Variants in TYW1 observed in about 807,000 individuals in gnomAD.
TYW1 encodes tRNA-yW synthesizing protein 1 homolog.
Under a neutral mutation model 96.2 loss-of-function variants are expected in TYW1, and 46 were observed. The ratio of observed to expected loss-of-function variants is 0.48; its 90% CI spans 0.38 to 0.61. The LOEUF is 0.61. TYW1 is among the 20% of genes least tolerant of loss of function. The pLI, the probability that TYW1 is intolerant of heterozygous loss-of-function variation, is 0.00. For missense variants in TYW1, 684 were observed against 909.6 expected, an observed-to-expected ratio of 0.75 and a Z score of 3.19; for synonymous variants, 274 against 323.0, an observed-to-expected ratio of 0.85 and a Z score of 1.63.
chr7:67,001,742 C>G (rs1290747935), intron 3 of TYW1, among the ~76,000 whole-genome samples: 1 of 150,428 alleles, frequency 6.6e-6, no homozygotes, highest in Non-Finnish European at 1.5e-5. Flanking sequence ...TTTTAAGAGA[C>G]AAGGTCTTGG....
At chr7:67,126,499 G>A (rs531541717) in intron 13 of TYW1, among the ~76,000 whole-genome samples, 20 of 152,162 alleles carry the variant, frequency 1.3e-4, no homozygotes, top group African/African-American at 4.8e-4. Context: ...TTTCTCTCAT[G>A]GGTCATGCCT....
chr7:67,210,876 C>CTATCTATCTATCATCTATCTAT (rs1800989133), intron 15 of TYW1, among the ~76,000 whole-genome samples: 1 of 148,990 alleles, frequency 6.7e-6, no homozygotes, highest in Non-Finnish European at 1.5e-5. Flanking sequence ...ATCTATCTAT[C>CTATCTATCTATCATCTATCTAT]CATCTGTCCA....
intron 9 of TYW1, among the ~76,000 whole-genome samples, chr7:67,059,511 A>G (rs2115620267): frequency 6.6e-6 from 1 of 151,288 alleles, no homozygotes; most frequent in African/African-American, 2.4e-5. Flanking sequence ...GTCTGAGGGT[A>G]GGCTGGCAGT....
At chr7:67,206,649 AAAT>A (rs1401900420) in intron 15 of TYW1, among the ~76,000 whole-genome samples, 2 of 151,374 alleles carry the variant, frequency 1.3e-5, no homozygotes, top group Non-Finnish European at 2.9e-5. Flanking sequence ...ATAAATAAAT[AAAT>A]AAATAAATAA....
Position 67,117,673 on chromosome 7 carries a change from G to T in TYW1, c.1698+55G>T, listed in dbSNP as rs1436532668. On this transcript the variant is annotated intron_variant, in intron 13 of 15. Transcript: ENST00000359626. ...AAACAACCCTCAGGTGTGTACTGAA[G>T]TTAAGAAGAAAGAAAGATGGAAGAA... The T allele has an allele frequency of 2.8e-6, 4 of 1,411,476 alleles. No homozygotes were observed. The South Asian group carries it at 5.4e-5, about 19-fold the overall frequency. 87.4% of individuals were successfully genotyped at this position (1,411,476 alleles called of 1,614,324 possible).
chr7:67,134,548 A>C (rs1284137630), intron 13 of TYW1, among the ~76,000 whole-genome samples: 3 of 151,948 alleles, frequency 2.0e-5, no homozygotes, highest in Non-Finnish European at 2.9e-5. Flanking sequence ...TCTCAAAAAA[A>C]AAAAAGATAA....
chr7:67,104,034 C>T (rs1472636709), intron 12 of TYW1, among the ~76,000 whole-genome samples: 1 of 151,966 alleles, frequency 6.6e-6, no homozygotes, highest in Non-Finnish European at 1.5e-5. Context: ...ATTAGAATTT[C>T]TTTTTCTAAG....
chr7:67,141,150 G>A (rs1421202853), intron 13 of TYW1, among the ~76,000 whole-genome samples: 2 of 152,254 alleles, frequency 1.3e-5, no homozygotes, highest in African/African-American at 2.4e-5. Flanking sequence ...CCAGAGAACA[G>A]GGCCCTTGTC....
At chr7:67,191,124 G>A (rs146585420) in intron 14 of TYW1, among the ~76,000 whole-genome samples, 1 of 152,282 alleles carries the variant, frequency 6.6e-6, no homozygotes, top group Non-Finnish European at 1.5e-5. Context: ...TTTCAGTCAT[G>A]GCAGAAGGCA....
chr7:67,032,370 GC>G (rs1445671228), intron 7 of TYW1, among the ~76,000 whole-genome samples: 1 of 152,120 alleles, frequency 6.6e-6, no homozygotes, highest in Non-Finnish European at 1.5e-5. Context: ...TGTAATCCCA[GC>G]ACTTTGGGAG....
At position 67,034,150 on chromosome 7, in the gene TYW1, C is replaced by T. The variant is rs187577997; in HGVS notation, c.984+9128C>T. ...ATGGAGTCTTGCTCTGTTGCCCAGG[C>T]CGGAGTGCAGTGATGCGATCTCAGC... On this transcript the variant is annotated intron_variant, in intron 7 of 15. Transcript: ENST00000359626. Among the ~76,000 whole-genome samples the T allele has an allele frequency of 1.3e-4, 20 of 151,014 alleles. No individual in the cohort carries two copies. The East Asian group carries it at 3.7e-3, about 28-fold the overall frequency.
chr7:67,212,994 G>C (rs915223166), intron 15 of TYW1, among the ~76,000 whole-genome samples: 2 of 151,636 alleles, frequency 1.3e-5, no homozygotes, highest in African/African-American at 2.4e-5. Flanking sequence ...TTCTGCCTCA[G>C]CCTCCCAAGT....
rs192170658 is a variant in TYW1 at position 67,106,963 on chromosome 7, T to G, written c.1562+8245T>G. ...CTTTTCATTGAAACTATGTAGGAAC[T>G]TTATTCTCTTTCCTCTGCTACTTCT... On this transcript the variant is annotated intron_variant, in intron 12 of 15. Coordinates refer to ENST00000359626, the MANE Select transcript of TYW1 (RefSeq NM_018264.4). Among the ~76,000 whole-genome samples, 3 of 152,352 alleles carry G rather than the reference T, an allele frequency of 2.0e-5. No individual in the cohort carries two copies. The East Asian group carries it at 5.8e-4, about 29-fold the overall frequency.
At position 67,221,110 on chromosome 7, in the gene TYW1, G is replaced by A. The variant is rs71563193; in HGVS notation, c.1978-17198G>A. 3.6e-3 allele frequency among the ~76,000 whole-genome samples: 541 copies of A among 152,256 alleles called. 2 individuals are homozygous for A. Among genetic ancestry groups the A allele is most frequent in the Admixed American group, 6.3e-3 (97 of 15,288 alleles). ...GGTATTGAAGTCTCTGAGTATTGTT[G>A]TAGAATTGTCATTTCTCCTTTCAAT... On this transcript the variant is annotated intron_variant, in intron 15 of 15. Transcript: ENST00000359626.
Position 67,183,249 on chromosome 7 carries a change from T to C in TYW1, c.1809+13T>C, listed in dbSNP as rs778712871. 3.8e-6 allele frequency: 6 copies of C among 1,590,358 alleles called. No homozygotes were observed. Among genetic ancestry groups the C allele is most frequent in the Non-Finnish European group, 3.4e-6 (4 of 1,167,858 alleles). On this transcript the variant is annotated intron_variant, in intron 14 of 15. Coordinates refer to ENST00000359626, the MANE Select transcript of TYW1 (RefSeq NM_018264.4). ...CATCGAAGTGAAGGTAAGCCCCTGCTGACTCTGGTGGCTGTGGTGGAGTGA... is the reference window on the plus strand; with the variant it reads ...CATCGAAGTGAAGGTAAGCCCCTGCCGACTCTGGTGGCTGTGGTGGAGTGA...
At chr7:67,225,092 G>A (rs1801514454) in intron 15 of TYW1, among the ~76,000 whole-genome samples, 1 of 150,846 alleles carries the variant, frequency 6.6e-6, no homozygotes, top group Admixed American at 6.6e-5. Flanking sequence ...TTGGGAGGCT[G>A]AGGCTGGAAA....
chr7:67,215,542 C>T (rs1801174322), intron 15 of TYW1, among the ~76,000 whole-genome samples: 1 of 152,290 alleles, frequency 6.6e-6, no homozygotes, highest in South Asian at 2.1e-4. Flanking sequence ...CAAGACACCT[C>T]CACTCTTCCT....
intron 7 of TYW1, among the ~76,000 whole-genome samples, chr7:67,046,617 G>C (rs567539842): frequency 6.6e-6 from 1 of 152,310 alleles, no homozygotes; most frequent in South Asian, 2.1e-4. Context: ...TACATTCTGG[G>C]CAGAGAGTAA....
chr7:67,114,030 C>T (rs1338039795), intron 12 of TYW1, among the ~76,000 whole-genome samples: 1 of 152,128 alleles, frequency 6.6e-6, no homozygotes, highest in Admixed American at 6.5e-5. Context: ...GTAGCAACTG[C>T]GTGGTCGTTT....
Sources: allele counts gnomAD v4.1 joint callset (sites outside exome capture counted in the v4.1 genomes callset), GRCh38; gene constraint gnomAD v4.1.1; transcripts MANE v1.5; gene names NCBI Gene and HGNC (gene_info 2026-07-23, HGNC 2026-07-21).